PREX2: variants seen among roughly 807,000 people sequenced by gnomAD.
The protein encoded by PREX2 is phosphatidylinositol 3,4,5-trisphosphate-dependent Rac exchanger 2 protein.
PREX2 carries 107 observed loss-of-function variants against 203.2 expected under a neutral mutation model. That is an observed-to-expected ratio of 0.53 (90% CI 0.45 to 0.62). The LOEUF (loss-of-function observed/expected upper bound fraction) is 0.62, where lower values mean the gene tolerates loss of function less well. Among genes scored for constraint, PREX2 ranks in the 20% least tolerant of loss-of-function variants. PREX2 has a pLI of 0.00. For synonymous variants in PREX2, 672 were observed against 663.6 expected (o/e 1.01, Z -0.19); for missense variants, 1,777 against 1,955.9 (o/e 0.91, Z 1.72).
intron 3 of PREX2, among the ~76,000 whole-genome samples, chr8:68,019,909 C>T (rs1047168377): frequency 2.0e-5 from 3 of 152,200 alleles, no homozygotes; most frequent in African/African-American, 7.2e-5. Flanking sequence ...GTTAGTTCTT[C>T]GCATCCTCTG....
At chr8:67,975,699 T>C (rs1348702179) in intron 1 of PREX2, among the ~76,000 whole-genome samples, 3 of 107,496 alleles carry the variant, frequency 2.8e-5, no homozygotes, top group Non-Finnish European at 3.8e-5. Flanking sequence ...TCTTTCTTTT[T>C]TTTTTTTTTT....
intron 1 of PREX2, among the ~76,000 whole-genome samples, chr8:68,007,455 G>A (rs886641200): frequency 5.9e-5 from 9 of 152,220 alleles, no homozygotes; most frequent in African/African-American, 2.2e-4. Flanking sequence ...CTATGTGGGT[G>A]ATGTAAAATA....
At chr8:68,212,620 C>T (rs976524464) in intron 37 of PREX2, among the ~76,000 whole-genome samples, 1 of 152,162 alleles carries the variant, frequency 6.6e-6, no homozygotes, top group Non-Finnish European at 1.5e-5. Flanking sequence ...ACTTTATGAA[C>T]TGCCCCACTT....
At chr8:68,109,739 G>A in intron 25 of PREX2, 116 bp downstream of exon 25, 1 of 788,072 alleles carries the variant, frequency 1.3e-6, no homozygotes, top group Non-Finnish European at 2.1e-6. Context: ...GATTTGTGCT[G>A]ATTATATAGA....
intron 6 of PREX2, among the ~76,000 whole-genome samples, chr8:68,036,663 C>T (rs953664905): frequency 6.6e-6 from 1 of 151,892 alleles, no homozygotes; most frequent in Admixed American, 6.6e-5. Context: ...AATAAAGGAA[C>T]AGCCAGGTGT....
At chr8:68,057,042 T>C (rs541248665) in intron 10 of PREX2, among the ~76,000 whole-genome samples, 1 of 152,292 alleles carries the variant, frequency 6.6e-6, no homozygotes, top group Non-Finnish European at 1.5e-5. Flanking sequence ...AAATCTCATC[T>C]TGAGTTATAA....
chr8:68,076,889 C>A (rs538563465), intron 14 of PREX2, among the ~76,000 whole-genome samples: 1 of 151,976 alleles, frequency 6.6e-6, no homozygotes, highest in Non-Finnish European at 1.5e-5. Context: ...TATTTGCTAG[C>A]TCAGCCAAAC....
Position 67,952,777 on chromosome 8 carries a change from G to A in PREX2, c.141+242G>A, listed in dbSNP as rs562017901. 4.9e-6 allele frequency: 3 copies of A among 616,428 alleles called. No individual in the cohort carries two copies. The South Asian group carries it at 5.2e-5, about 11-fold the overall frequency. The allele number at this position is 616,428 out of a possible 1,614,324, so 38.2% of individuals were successfully genotyped here. ...CCTTGGAGACCTCCAGGTCTGAAAA[G>A]TTAGCTCTAGAGAAGAGAGCTCCAG... On this transcript the variant is annotated intron_variant, in intron 1 of 39. Transcript: ENST00000288368.
intron 22 of PREX2, among the ~76,000 whole-genome samples, chr8:68,098,949 T>TATAC (rs1465374605): frequency 1.3e-5 from 1 of 78,376 alleles, no homozygotes; most frequent in Non-Finnish European, 3.3e-5. Context: ...TATATATATA[T>TATAC]ATATATATAT....
chr8:68,019,646 A>T lies in PREX2; in HGVS notation c.311A>T (p.Glu104Val), dbSNP rs930625865. ...CACCCCGAACCTAATGCTCAACAAG[A>T]AGTGGGAACCTGCTTTCTTCACTTT... ...CLHPEPNAQQEVGTCFLHFKD... is the reference protein window; with the variant it reads ...CLHPEPNAQQVVGTCFLHFKD... Residue 104 changes from glutamate (E) to valine (V), a missense_variant, in exon 3 of 40, where the codon GAA (glutamate) becomes GTA (valine). By Grantham distance (121) the Glu-to-Val change is moderately radical (BLOSUM62 -2). Transcript: ENST00000288368. 3 of 1,611,922 alleles carry T rather than the reference A, an allele frequency of 1.9e-6. No homozygotes were observed. The highest frequency in any genetic ancestry group is 1.7e-5 in the Admixed American group (1 of 59,520).
chr8:68,083,297 A>C lies in PREX2; in HGVS notation c.1936A>C (p.Met646Leu). 6.2e-7 allele frequency: 1 copy of C among 1,610,568 alleles called. No individual in the cohort carries two copies. ...IFAINGDLVF[M>L]RPFNEVDCFL... Reference sequence around the variant, plus strand: ...TGCTATTAATGGTGACCTAGTTTTTATGAGACCTTTCAATGAAGTGGATTG... The same window carrying C: ...TGCTATTAATGGTGACCTAGTTTTTCTGAGACCTTTCAATGAAGTGGATTG... The change falls in exon 18 of 40, where the codon ATG becomes CTG. Residue 646 changes from methionine (M) to leucine (L), a missense_variant. Coordinates refer to ENST00000288368, the MANE Select transcript of PREX2 (RefSeq NM_024870.4).
chr8:68,103,924 A>G (rs1407560189), intron 23 of PREX2, among the ~76,000 whole-genome samples: 1 of 152,046 alleles, frequency 6.6e-6, no homozygotes, highest in Non-Finnish European at 1.5e-5. Context: ...GATCTCATTC[A>G]GGGTCCTGGC....
intron 1 of PREX2, among the ~76,000 whole-genome samples, chr8:68,004,631 T>A (rs979425159): frequency 2.6e-5 from 4 of 152,236 alleles, no homozygotes; most frequent in Non-Finnish European, 5.9e-5. Flanking sequence ...TGCAAGTAAT[T>A]TCTTGCTTAA....
chr8:68,103,073 A>G (rs1810310753), intron 23 of PREX2: 1 of 440,594 alleles, frequency 2.3e-6, no homozygotes, highest in Admixed American at 2.5e-5. Context: ...CTTCCTAGAT[A>G]GAAATATTTA....
At position 68,231,397 on chromosome 8, in the gene PREX2, C is replaced by G. The variant is rs1813168525; in HGVS notation, c.*19C>G. On this transcript the variant is annotated 3_prime_UTR_variant, in exon 40 of 40. Transcript: ENST00000288368. ...AGAATGAAAAGAACTCCCAAGAAAC[C>G]AGGCAGGCAGAAGCTCCTGAATGCT... is the stretch of plus-strand genomic sequence containing the variant. The G allele has an allele frequency of 1.3e-6, 2 of 1,599,248 alleles. No individual in the cohort carries two copies. The highest frequency in any genetic ancestry group is 2.3e-5 in the East Asian group (1 of 43,868).
rs147548576 is a variant in PREX2, at chr8:68,131,912, C to A, written c.3767-2147C>A. ...ATGGGTGGGAGTATTTCTGCCAAAT[C>A]TACTGAAGTATTTTTAAAAATTCAC... On this transcript the variant is annotated intron_variant, in intron 31 of 39. Coordinates refer to ENST00000288368, the MANE Select transcript of PREX2 (RefSeq NM_024870.4). Among the ~76,000 whole-genome samples the A allele has an allele frequency of 3.9e-5, 6 of 152,224 alleles. No homozygotes were observed. In the East Asian group the frequency reaches 1.2e-3, roughly 29 times the overall value.
rs767460476 is a variant in PREX2 at position 68,060,638 on chromosome 8, A to C, written c.1239-41A>C. The C allele has an allele frequency of 6.4e-5, 93 of 1,449,206 alleles. 2 individuals carry two copies. In the East Asian group the frequency reaches 2.0e-3, roughly 31 times the overall value. The allele number at this position is 1,449,206 out of a possible 1,614,324, so 89.8% of individuals were successfully genotyped here. ...TGGTATAGAAAGACTTGCTGGGGAA[A>C]AAATTAACCGTTTAGCTTTTTCACT... On this transcript the variant is annotated intron_variant, in intron 10 of 39. Transcript: ENST00000288368.
intron 4 of PREX2, 142 bp from the exon 5 acceptor site, chr8:68,027,080 T>C: frequency 1.5e-6 from 1 of 663,832 alleles, no homozygotes; most frequent in Non-Finnish European, 2.7e-6. Context: ...TGTGAGTGTT[T>C]GTGACTGAAT....
intron 23 of PREX2, among the ~76,000 whole-genome samples, chr8:68,100,791 A>T (rs1239378208): frequency 1.3e-5 from 2 of 152,154 alleles, no homozygotes; most frequent in East Asian, 3.8e-4. Context: ...CAGGGGGATG[A>T]CTTCATCTGA....
Sources: gnomAD v4.1 joint callset for allele counts (sites outside exome capture counted in the v4.1 genomes callset) on GRCh38, gnomAD v4.1.1 for gene constraint, MANE v1.5 for transcripts, NCBI Gene and HGNC (gene_info 2026-07-23, HGNC 2026-07-21) for gene names.